Variants in ZSWIM5 observed in about 807,000 individuals in gnomAD.
ZSWIM5 encodes zinc finger SWIM-type containing 5.
A neutral mutation model predicts 119.6 loss-of-function variants in ZSWIM5; 55 were observed. The ratio of observed to expected loss-of-function variants is 0.46; its 90% CI spans 0.37 to 0.58. The LOEUF (loss-of-function observed/expected upper bound fraction) is 0.58. Among genes scored for constraint, ZSWIM5 ranks in the 20% least tolerant of loss-of-function variants. The pLI, the probability that ZSWIM5 is intolerant of heterozygous loss-of-function variation, is 0.00. For missense variants in ZSWIM5, 1,193 were observed against 1,512.8 expected (o/e 0.79, Z 3.51); for synonymous variants, 537 against 606.9 (o/e 0.88, Z 1.69).
intron 11 of ZSWIM5, among the ~76,000 whole-genome samples, chr1:45,028,306 T>G (rs1256987726): frequency 6.6e-6 from 1 of 152,252 alleles, no homozygotes; most frequent in African/African-American, 2.4e-5. Flanking sequence ...GACTTATTCC[T>G]ATGTTTTCAT....
rs1333644803 is a variant in ZSWIM5 at position 45,018,229 on chromosome 1, T to A, written c.*225A>T. 2 of 598,786 alleles carry A rather than the reference T, an allele frequency of 3.3e-6. No individual in the cohort carries two copies. The highest frequency in any genetic ancestry group is 5.8e-6 in the Non-Finnish European group (2 of 344,126). 37.1% of individuals were successfully genotyped at this position (598,786 alleles called of 1,614,324 possible). ...CATGTTGTGGGGTTTCTGGTCGATC[T>A]GCAGGGCCCAGCTCCTCCATGAACA... On this transcript the variant is annotated 3_prime_UTR_variant, in exon 14 of 14. Coordinates refer to ENST00000359600, the MANE Select transcript of ZSWIM5 (RefSeq NM_020883.2). The surrounding 1 kb of genome is among the most constrained non-coding windows in gnomAD (Gnocchi z 6.7).
intron 5 of ZSWIM5, among the ~76,000 whole-genome samples, chr1:45,045,994 G>A (rs1020395976): frequency 1.3e-5 from 2 of 152,022 alleles, no homozygotes; most frequent in African/African-American, 4.8e-5. Flanking sequence ...TAAGGTAGAA[G>A]TATATTTGGA....
chr1:45,091,097 C>CCTACAGATGTATTA (rs1161208238), intron 1 of ZSWIM5, among the ~76,000 whole-genome samples: 1 of 152,108 alleles, frequency 6.6e-6, no homozygotes, highest in Non-Finnish European at 1.5e-5. Context: ...TATAAAATGT[C>CCTACAGATGTATTA]CTACAGATGT....
intron 1 of ZSWIM5, among the ~76,000 whole-genome samples, chr1:45,136,434 T>TA (rs1645690764): frequency 1.3e-5 from 2 of 152,178 alleles, no homozygotes; most frequent in Non-Finnish European, 2.9e-5. Flanking sequence ...TTTAACTTTT[T>TA]ATCCCTTTTT....
At chr1:45,143,306 A>G (rs908807544) in intron 1 of ZSWIM5, among the ~76,000 whole-genome samples, 2 of 152,162 alleles carry the variant, frequency 1.3e-5, no homozygotes, top group South Asian at 2.1e-4. Context: ...ATACCACAAC[A>G]AAGTGGGCTT....
At chr1:45,162,675 C>T (rs1046167515) in intron 1 of ZSWIM5, among the ~76,000 whole-genome samples, 1 of 152,218 alleles carries the variant, frequency 6.6e-6, no homozygotes, top group Admixed American at 6.5e-5. Flanking sequence ...AGATTATATC[C>T]CGTGCCTGGC....
intron 1 of ZSWIM5, among the ~76,000 whole-genome samples, chr1:45,143,752 T>A (rs1237048380): frequency 6.6e-6 from 1 of 152,022 alleles, no homozygotes; most frequent in African/African-American, 2.4e-5. Context: ...AACATGATTG[T>A]CTACCTAGAA....
At chr1:45,131,635 G>C (rs1456187603) in intron 1 of ZSWIM5, among the ~76,000 whole-genome samples, 1 of 145,306 alleles carries the variant, frequency 6.9e-6, no homozygotes, top group Non-Finnish European at 1.5e-5. Context: ...TGAGGCACGA[G>C]AATCACTTAA....
chr1:45,049,807 T>C (rs1645079440), intron 5 of ZSWIM5, among the ~76,000 whole-genome samples: 1 of 152,014 alleles, frequency 6.6e-6, no homozygotes, highest in Non-Finnish European at 1.5e-5. Flanking sequence ...GAACAAAGCA[T>C]GTGTTTGTAT....
At chr1:45,069,915 G>A in intron 2 of ZSWIM5, 4 of 565,988 alleles carry the variant, frequency 7.1e-6, no homozygotes, top group Middle Eastern at 5.0e-4. Context: ...GACTGGTACA[G>A]CCTTTAAAAC....
intron 2 of ZSWIM5, among the ~76,000 whole-genome samples, chr1:45,073,805 C>A (rs1437718238): frequency 1.3e-5 from 2 of 151,824 alleles, no homozygotes; most frequent in Non-Finnish European, 2.9e-5. Flanking sequence ...ATCCTTGTCA[C>A]GTTCCAGATC....
At chr1:45,180,108 C>T (rs369627730) in intron 1 of ZSWIM5, among the ~76,000 whole-genome samples, 14 of 152,226 alleles carry the variant, frequency 9.2e-5, no homozygotes, top group South Asian at 4.2e-4. Context: ...GCGCACTGTG[C>T]GCCAGCCGAA....
intron 1 of ZSWIM5, among the ~76,000 whole-genome samples, chr1:45,106,387 T>C (rs1326989926): frequency 7.9e-6 from 1 of 126,618 alleles, no homozygotes. Flanking sequence ...GGCCACCCCA[T>C]CTGGGAAGTG....
chr1:45,024,022 C>T (rs750430754), intron 11 of ZSWIM5, among the ~76,000 whole-genome samples: 1 of 152,006 alleles, frequency 6.6e-6, no homozygotes, highest in Non-Finnish European at 1.5e-5. Context: ...GGTGAGGTGT[C>T]TCTCCAGATC....
In ZSWIM5 at chr1:45,060,491, G is replaced by T. The variant is rs375848615; in HGVS notation, c.953-244C>A. ...AAGTCTCAGTTATAGCTTCATCTAA[G>T]ATCTACAGATACCACTGTAGGGGAA... On this transcript the variant is annotated intron_variant, in intron 2 of 13. Coordinates refer to ENST00000359600, the MANE Select transcript of ZSWIM5 (RefSeq NM_020883.2). Among the ~76,000 whole-genome samples the T allele has an allele frequency of 6.6e-5, 10 of 152,208 alleles. 1 individual carries two copies. Among genetic ancestry groups the T allele is most frequent in the African/African-American group, 2.2e-4 (9 of 41,540 alleles).
At chr1:45,190,071 T>C (rs957553890) in intron 1 of ZSWIM5, among the ~76,000 whole-genome samples, 5 of 152,138 alleles carry the variant, frequency 3.3e-5, no homozygotes, top group African/African-American at 1.2e-4. Flanking sequence ...CCCAGCACTA[T>C]GGGAGGCTGA....
intron 2 of ZSWIM5, chr1:45,070,399 C>A (rs1645214735): frequency 1.4e-6 from 2 of 1,421,734 alleles, no homozygotes; most frequent in Non-Finnish European, 2.0e-6. Context: ...CATTCGAGCA[C>A]AAAGAACGGG....
chr1:45,134,974 A>G (rs1467857037), intron 1 of ZSWIM5, among the ~76,000 whole-genome samples: 4 of 152,170 alleles, frequency 2.6e-5, no homozygotes, highest in Non-Finnish European at 4.4e-5. Flanking sequence ...TCCTCTATCT[A>G]TTCATTCATC....
Position 45,043,487 on chromosome 1 carries a change from A to G in ZSWIM5, c.1433-92T>C, listed in dbSNP as rs1193699569. On this transcript the variant is annotated intron_variant, in intron 5 of 13. Coordinates refer to ENST00000359600, the MANE Select transcript of ZSWIM5 (RefSeq NM_020883.2). ...TTCAGGGTGGGAGGTTGGCTGAATA[A>G]TAGTATTTTAAAAGAATAACTCTGG... The G allele has an allele frequency of 2.4e-6, 3 of 1,262,212 alleles. No homozygotes were observed. The African/African-American group carries it at 4.4e-5, about 19-fold the overall frequency. 78.2% of individuals were successfully genotyped at this position (1,262,212 alleles called of 1,614,324 possible).
Sources: allele counts gnomAD v4.1 joint callset (sites outside exome capture counted in the v4.1 genomes callset), GRCh38; gene constraint gnomAD v4.1.1; non-coding constraint Gnocchi (gnomAD v3.1); transcripts MANE v1.5; gene names NCBI Gene and HGNC (gene_info 2026-07-23, HGNC 2026-07-21).